NCOR2: variants seen among roughly 807,000 people sequenced by gnomAD.
The protein encoded by NCOR2 is CTG repeat protein 26.
NCOR2 carries 81 observed loss-of-function variants against 262.9 expected under a neutral mutation model. That is an observed-to-expected ratio of 0.31 (90% CI 0.26 to 0.37). The LOEUF (loss-of-function observed/expected upper bound fraction) is 0.37, where lower values mean the gene tolerates loss of function less well. NCOR2 is among the 10% of genes least tolerant of loss of function. The pLI is 1.00. For synonymous variants in NCOR2, 1,659 were observed against 1,559.3 expected, an observed-to-expected ratio of 1.06 and a Z score of -1.51; for missense variants, 3,385 against 3,621.4, an observed-to-expected ratio of 0.93 and a Z score of 1.68.
intron 27 of NCOR2, among the ~76,000 whole-genome samples, chr12:124,353,609 C>G (rs988747249): frequency 1.3e-5 from 2 of 152,254 alleles, no homozygotes; most frequent in Non-Finnish European, 2.9e-5. Context: ...AGCTGCAAGG[C>G]TGGGGCACCA....
At chr12:124,470,726 CAG>C (rs77980644) in intron 4 of NCOR2, among the ~76,000 whole-genome samples, 3,168 of 152,296 alleles carry the variant, frequency 0.021, 38 homozygotes, top group Non-Finnish European at 0.032. Flanking sequence ...GGCTGGGAAC[CAG>C]AGAGAGGTGA....
chr12:124,383,048 G>C (rs1297744398), intron 17 of NCOR2, among the ~76,000 whole-genome samples: 1 of 152,100 alleles, frequency 6.6e-6, no homozygotes, highest in Non-Finnish European at 1.5e-5. Context: ...ATGAATGAAT[G>C]AATGAATCAA....
chr12:124,464,130 GTGTCATCCTGAAAACTCC>G (rs2046315710), intron 5 of NCOR2, among the ~76,000 whole-genome samples: 1 of 152,248 alleles, frequency 6.6e-6, no homozygotes, highest in Non-Finnish European at 1.5e-5. Flanking sequence ...AGGAAAACGG[GTGTCATCCTGAAAACTCC>G]TTTTCCTGAA....
intron 17 of NCOR2, among the ~76,000 whole-genome samples, chr12:124,385,114 C>G (rs957935238): frequency 1.3e-5 from 2 of 152,168 alleles, no homozygotes; most frequent in African/African-American, 2.4e-5. Context: ...CCTCAATTCC[C>G]AGAAACAGCT....
At chr12:124,493,278 CACAGG>C (rs1401851062) in intron 1 of NCOR2, among the ~76,000 whole-genome samples, 1 of 152,078 alleles carries the variant, frequency 6.6e-6, no homozygotes, top group Non-Finnish European at 1.5e-5. Context: ...TGGGAACCTC[CACAGG>C]ACAGGACAAG....
chr12:124,515,649 ATGAGTGTGAGTGTGCATG>A (rs2049704099), intron 1 of NCOR2, among the ~76,000 whole-genome samples: 2 of 65,936 alleles, frequency 3.0e-5, no homozygotes, highest in African/African-American at 7.2e-5. Context: ...GAGTGTGCAT[ATGAGTGTGAGTGTGCATG>A]TGAGTGTGAG....
At chr12:124,385,177 CT>C (rs2040707130) in intron 17 of NCOR2, among the ~76,000 whole-genome samples, 1 of 152,190 alleles carries the variant, frequency 6.6e-6, no homozygotes, top group African/African-American at 2.4e-5. Flanking sequence ...CGAGGCGAGC[CT>C]GCACCTTCTG....
chr12:124,479,841 C>A (rs1441473546), intron 3 of NCOR2, among the ~76,000 whole-genome samples: 1 of 152,222 alleles, frequency 6.6e-6, no homozygotes, highest in East Asian at 1.9e-4. Flanking sequence ...GGGTGCACTC[C>A]CAGCTGCCTG....
At chr12:124,417,726 C>T (rs1251311579) in intron 13 of NCOR2, among the ~76,000 whole-genome samples, 1 of 152,198 alleles carries the variant, frequency 6.6e-6, no homozygotes, top group Admixed American at 6.5e-5. Context: ...TACCTTTTTG[C>T]CTCTCAGTCT....
At chr12:124,497,516 TTTCA>T (rs1187403052), upstream of NCOR2, among the ~76,000 whole-genome samples, 4 of 152,232 alleles carry the variant, frequency 2.6e-5, no homozygotes, top group Non-Finnish European at 4.4e-5. The surrounding 1 kb of genome is among the most constrained non-coding windows in gnomAD (Gnocchi z 4.2). Flanking sequence ...GGCCTGTCAC[TTTCA>T]TTCAGTTAGG....
Position 124,332,246 on chromosome 12 carries a change from G to A in NCOR2, c.6904+73C>T. On this transcript the variant is annotated intron_variant, in intron 43 of 46. Coordinates refer to ENST00000405201, the Ensembl canonical transcript of NCOR2. ...CACCGTGGGTTTCTGCCACTGGGCG[G>A]CTCCAGCTGCCCAGGCAGGCCACCC... 3.8e-6 allele frequency: 6 copies of A among 1,580,172 alleles called. No individual in the cohort carries two copies. The Admixed American group carries it at 1.0e-4, about 27-fold the overall frequency.
rs1443294182 is a variant in NCOR2, at chr12:124,432,929, C to T, written c.883-2142G>A. On this transcript the variant is annotated intron_variant, in intron 8 of 46. Transcript: ENST00000405201. The surrounding 1 kb of genome is among the most constrained non-coding windows in gnomAD (Gnocchi z 5.1). Reference sequence around the variant, plus strand: ...ACCCACACAACCCCAGTTACTCCACCTCTAACAGCTGGGGGTGGACAGACG... The same window carrying T: ...ACCCACACAACCCCAGTTACTCCACTTCTAACAGCTGGGGGTGGACAGACG... Among the ~76,000 whole-genome samples, 2 of 152,196 alleles carry T rather than the reference C, an allele frequency of 1.3e-5. No homozygotes were observed. The highest frequency in any genetic ancestry group is 4.8e-5 in the African/African-American group (2 of 41,468).
chr12:124,521,300 G>A lies in NCOR2; in HGVS notation c.-118+14265C>T, dbSNP rs545428607. Among the ~76,000 whole-genome samples, 9 of 152,324 alleles carry A rather than the reference G, an allele frequency of 5.9e-5. No individual in the cohort carries two copies. The South Asian group carries it at 1.0e-3, about 18-fold the overall frequency. On this transcript the variant is annotated intron_variant, in intron 1 of 46. Transcript: ENST00000404621. ...AGAGACAGCACCGTGAGCCAGACAC[G>A]TCTGGCTATCTGCACCTCCTCAATC...
intron 11 of NCOR2, 33 bp downstream of exon 13, chr12:124,426,588 GC>G: frequency 6.5e-7 from 1 of 1,534,642 alleles, no homozygotes; most frequent in Non-Finnish European, 8.8e-7. Flanking sequence ...GGGGTGGGGG[GC>G]CGGGAGGCCA....
At chr12:124,460,460 T>A (rs2046107036) in intron 5 of NCOR2, among the ~76,000 whole-genome samples, 1 of 152,164 alleles carries the variant, frequency 6.6e-6, no homozygotes, top group Non-Finnish European at 1.5e-5. Context: ...GCTGCTATCG[T>A]CCAGCAGGGC....
intron 22 of NCOR2, among the ~76,000 whole-genome samples, chr12:124,359,875 C>T (rs968704440): frequency 2.6e-5 from 4 of 152,228 alleles, no homozygotes; most frequent in African/African-American, 4.8e-5. Context: ...AGAGGTAGCG[C>T]TGGGTGTCAA....
chr12:124,341,212 G>A (rs963586826), intron 34 of NCOR2, among the ~76,000 whole-genome samples: 2 of 152,058 alleles, frequency 1.3e-5, no homozygotes, highest in Non-Finnish European at 2.9e-5. Context: ...CAAGGCAAAG[G>A]AACAAACTCC....
At chr12:124,449,843 T>C (rs1235156046) in exon 7 of NCOR2, 1 of 1,613,834 alleles carries the variant, frequency 6.2e-7, no homozygotes, top group Non-Finnish European at 8.5e-7. Context: ...TACTGCCGGG[T>C]GTCGGAGGGC....
chr12:124,380,136 G>A (rs925283538), intron 17 of NCOR2, among the ~76,000 whole-genome samples: 3 of 152,190 alleles, frequency 2.0e-5, no homozygotes, highest in Admixed American at 6.5e-5. Flanking sequence ...AGCTGCTGAC[G>A]TCCAGACCAC....
Sources: allele counts gnomAD v4.1 joint callset (sites outside exome capture counted in the v4.1 genomes callset), GRCh38; gene constraint gnomAD v4.1.1; non-coding constraint Gnocchi (gnomAD v3.1); transcripts MANE v1.5; gene names NCBI Gene and HGNC (gene_info 2026-07-23, HGNC 2026-07-21).